HEPH: variants seen among roughly 807,000 people sequenced by gnomAD.
The protein encoded by HEPH is hephaestin.
In HEPH, 69 loss-of-function variants were observed where a neutral mutation model predicts 80.8. The ratio of observed to expected loss-of-function variants is 0.85; its 90% CI spans 0.70 to 1.04. The LOEUF is 1.04. Ranked by LOEUF, HEPH falls within the 50% of genes least tolerant of loss-of-function variation. The pLI is 0.00. For synonymous variants in HEPH, 431 were observed against 322.8 expected, an observed-to-expected ratio of 1.34 and a Z score of -3.60; for missense variants, 1,115 against 891.3, an observed-to-expected ratio of 1.25 and a Z score of -3.20.
chrX:66,239,207 G>C (rs1218640984), intron 15 of HEPH, among the ~76,000 whole-genome samples: 1 of 111,928 alleles, frequency 8.9e-6, no homozygotes, highest in African/African-American at 3.2e-5. Flanking sequence ...TGGAATTTCA[G>C]AGGCCCGTGG....
At chrX:66,253,931 G>T (rs1486292257) in intron 15 of HEPH, among the ~76,000 whole-genome samples, 2 of 111,379 alleles carry the variant, frequency 1.8e-5, no homozygotes, top group African/African-American at 6.5e-5. Context: ...ACCTTGGGTG[G>T]GGTGGGGCAG....
chrX:66,218,577 C>A (rs2089497521), intron 15 of HEPH, among the ~76,000 whole-genome samples: 1 of 111,869 alleles, frequency 8.9e-6, no homozygotes. Context: ...ACAGACAAAA[C>A]CCTTTAGACA....
At chrX:66,225,755 G>A (rs911573721) in intron 15 of HEPH, among the ~76,000 whole-genome samples, 1 of 112,954 alleles carries the variant, frequency 8.9e-6, no homozygotes, top group Non-Finnish European at 1.9e-5. Flanking sequence ...CCGCAGGGAT[G>A]CTCCACAGGG....
chrX:66,251,048 T>A (rs759805149), intron 15 of HEPH, among the ~76,000 whole-genome samples: 8 of 111,572 alleles, frequency 7.2e-5, no homozygotes, highest in Non-Finnish European at 1.5e-4. Flanking sequence ...CACATTAAGC[T>A]AATTTTTGTA....
chrX:66,227,808 A>G (rs1440034255), intron 15 of HEPH, among the ~76,000 whole-genome samples: 1 of 111,026 alleles, frequency 9.0e-6, no homozygotes, highest in Non-Finnish European at 1.9e-5. Context: ...GCCTTATAGT[A>G]TAGTTTAAAG....
chrX:66,199,178 A>G, intron 11 of HEPH, 150 bp downstream of exon 11: 12 of 529,801 alleles, frequency 2.3e-5, no homozygotes, highest in Middle Eastern at 3.9e-4. Context: ...ACCGAACACA[A>G]CAGATCTTAT....
chrX:66,214,149 T>C (rs1312032209), intron 15 of HEPH, among the ~76,000 whole-genome samples: 4 of 111,648 alleles, frequency 3.6e-5, no homozygotes, highest in African/African-American at 9.8e-5. Flanking sequence ...GTCATCAGCA[T>C]GTAGATGATA....
Position 66,263,647 on chromosome X carries a change from A to G in HEPH, c.3203A>G (p.His1068Arg). 1 of 1,210,525 alleles carries G rather than the reference A, an allele frequency of 8.3e-7. No homozygotes were observed. Among genetic ancestry groups the G allele is most frequent in the Non-Finnish European group, 1.1e-6 (1 of 894,666 alleles). Residue 1068 changes from histidine (H) to arginine (R), a missense_variant, in exon 20 of 21, where the codon CAC (histidine) becomes CGC (arginine). This residue lies in a region of HEPH where 716 missense variants were observed against 523.5 expected (regional missense o/e 1.37). Transcript: ENST00000343002. ...TGTCTTTTTTCCCCCCAACCAGAAC[A>G]CTTAAGCCCTCTCACCGTCATCACC... ...TLFTVFSRTEHLSPLTVITKE... is the reference protein window; with the variant it reads ...TLFTVFSRTERLSPLTVITKE...
intron 10 of HEPH, among the ~76,000 whole-genome samples, chrX:66,198,627 A>G (rs190375334): frequency 1.8e-5 from 2 of 109,301 alleles, no homozygotes; most frequent in East Asian, 5.8e-4. Context: ...TTCTTATCCT[A>G]TGCTCCTTCC....
At chrX:66,175,892 T>G (rs2086783131) in intron 4 of HEPH, among the ~76,000 whole-genome samples, 1 of 112,014 alleles carries the variant, frequency 8.9e-6, no homozygotes, top group Admixed American at 9.5e-5. Flanking sequence ...TGAATTCTTT[T>G]ATCAGTTCTA....
At position 66,256,118 on chromosome X, in the gene HEPH, GC is replaced by G; in HGVS notation, c.2686del (p.Leu896TrpfsTer31). 8.3e-7 allele frequency: 1 copy of G among 1,207,072 alleles called. No homozygotes were observed. Among genetic ancestry groups the G allele is most frequent in the Non-Finnish European group, 1.1e-6 (1 of 891,705 alleles). The stretch of plus-strand genomic sequence containing the variant: ...TCCCTTCCTCAGGACATGTATAGTG[GC>G]CTGGTGGGGCCCTTGGCTATCTGCC... ...AVDPIKDMYS[G>X]LVGPLAICQK... On this transcript the variant is annotated frameshift_variant, in exon 17 of 21. Transcript: ENST00000343002. LOFTEE classifies it high-confidence loss of function.
upstream of HEPH, chrX:66,164,211 G>A: frequency 1.3e-6 from 1 of 754,089 alleles, no homozygotes; most frequent in Non-Finnish European, 1.6e-6. Context: ...AACCATCCCG[G>A]GTTTTGTATC....
At chrX:66,223,531 G>T (rs1289905487) in intron 15 of HEPH, among the ~76,000 whole-genome samples, 2 of 111,596 alleles carry the variant, frequency 1.8e-5, no homozygotes, top group Non-Finnish European at 3.8e-5. Flanking sequence ...CATAAGGTAA[G>T]ATTTTTATAG....
At chrX:66,234,937 C>T (rs2090300315) in intron 15 of HEPH, among the ~76,000 whole-genome samples, 1 of 110,907 alleles carries the variant, frequency 9.0e-6, no homozygotes, top group African/African-American at 3.3e-5. Flanking sequence ...GCGTGAACCA[C>T]CACACCTGGC....
Position 66,188,499 on chromosome X carries a change from G to A in HEPH, c.766G>A (p.Asp256Asn). Residue 256 changes from aspartate (D) to asparagine (N), a missense_variant, in exon 5 of 21, where the codon GAC becomes AAC. This residue lies in a region of HEPH where 391 missense variants were observed against 343.6 expected (regional missense o/e 1.14). Coordinates refer to ENST00000343002, the MANE Select transcript of HEPH (RefSeq NM_001367233.3). Reference protein sequence around the residue: ...ATYCSDPASVDKEDETFQESN... With the variant: ...ATYCSDPASVNKEDETFQESN... ...TTACTGCTCAGATCCTGCTTCAGTGGACAAAGAAGATGAGACATTTCAGGA... is the reference window on the plus strand; with the variant it reads ...TTACTGCTCAGATCCTGCTTCAGTGAACAAAGAAGATGAGACATTTCAGGA... 5.0e-6 allele frequency: 6 copies of A among 1,210,441 alleles called. No individual in the cohort carries two copies. The highest frequency in any genetic ancestry group is 6.7e-6 in the Non-Finnish European group (6 of 895,016).
At chrX:66,242,482 A>C (rs773366502) in intron 15 of HEPH, among the ~76,000 whole-genome samples, 18 of 112,215 alleles carry the variant, frequency 1.6e-4, no homozygotes, top group Non-Finnish European at 1.3e-4. Context: ...AAATACTCCA[A>C]AATCAATTGT....
At chrX:66,261,195 A>G (rs1353601576) in intron 19 of HEPH, among the ~76,000 whole-genome samples, 1 of 112,416 alleles carries the variant, frequency 8.9e-6, no homozygotes, top group Admixed American at 9.4e-5. Flanking sequence ...CACCACATCT[A>G]GCAAGACAGT....
At chrX:66,268,145 G>A (rs757872892), downstream of HEPH, 5 of 111,747 alleles carry the variant, frequency 4.5e-5, no homozygotes, top group Admixed American at 1.9e-4. Flanking sequence ...AGGGATTCAT[G>A]TATTCATCTG....
At chrX:66,262,118 G>A (rs995992535) in intron 19 of HEPH, among the ~76,000 whole-genome samples, 6 of 111,725 alleles carry the variant, frequency 5.4e-5, no homozygotes, top group South Asian at 3.8e-4. Context: ...TTTATAACCC[G>A]CTATGGCCTA....
Sources: gnomAD v4.1 joint callset for allele counts (sites outside exome capture counted in the v4.1 genomes callset) on GRCh38, gnomAD v4.1.1 for gene constraint, gnomAD v4.1.1 regional missense constraint, MANE v1.5 for transcripts, NCBI Gene and HGNC (gene_info 2026-07-23, HGNC 2026-07-21) for gene names.